BMP2K: variants seen among roughly 807,000 people sequenced by gnomAD.
BMP2K encodes the protein BMP-2-inducible protein kinase.
BMP2K carries 74 observed loss-of-function variants against 116.0 expected under a neutral mutation model. The observed-to-expected ratio is 0.64, with a 90% confidence interval of 0.53 to 0.77. The LOEUF is 0.77. Among genes scored for constraint, BMP2K ranks in the 30% least tolerant of loss-of-function variants. BMP2K has a pLI of 0.00. For synonymous variants in BMP2K, 486 were observed against 502.5 expected, an observed-to-expected ratio of 0.97 and a Z score of 0.44; for missense variants, 1,365 against 1,403.6, an observed-to-expected ratio of 0.97 and a Z score of 0.44.
intron 14 of BMP2K, among the ~76,000 whole-genome samples, chr4:78,885,345 T>G (rs552257386): frequency 1.3e-5 from 2 of 152,294 alleles, no homozygotes; most frequent in African/African-American, 4.8e-5. Flanking sequence ...GCCTTGTTTA[T>G]TCAAGAGTGT....
chr4:78,916,056 T>C lies in BMP2K; in HGVS notation c.*4023T>C, dbSNP rs908897939. 4 of 151,954 alleles carry C rather than the reference T, an allele frequency of 2.6e-5. No homozygotes were observed. Among genetic ancestry groups the C allele is most frequent in the Non-Finnish European group, 5.9e-5 (4 of 67,872 alleles). 9.4% of individuals were successfully genotyped at this position (151,954 alleles called of 1,614,324 possible). Reference sequence around the variant, plus strand: ...TAAATAAAGCAAATTTACATCTTTATTGTATTTCTACTTGTTACAAAACAT... The same window carrying C: ...TAAATAAAGCAAATTTACATCTTTACTGTATTTCTACTTGTTACAAAACAT... On this transcript the variant is annotated 3_prime_UTR_variant, in exon 16 of 16. Transcript: ENST00000502613.
intron 9 of BMP2K, 137 bp downstream of exon 9, chr4:78,861,605 T>A: frequency 2.8e-6 from 2 of 709,308 alleles, no homozygotes; most frequent in Non-Finnish European, 4.6e-6. Flanking sequence ...TGTGGTATAA[T>A]TGAGATAGCA....
At chr4:78,871,817 A>G in intron 11 of BMP2K, 33 bp from the exon 12 acceptor site, 1 of 1,489,000 alleles carries the variant, frequency 6.7e-7, no homozygotes, top group Non-Finnish European at 9.3e-7. Context: ...CAAAAAAGGC[A>G]TAACATTTAT....
chr4:78,826,857 T>C (rs888774262), intron 2 of BMP2K, among the ~76,000 whole-genome samples: 1 of 152,174 alleles, frequency 6.6e-6, no homozygotes, highest in Non-Finnish European at 1.5e-5. Flanking sequence ...AACACCAAGC[T>C]TGTTCATCAT....
At chr4:78,842,248 G>A (rs982904331) in intron 3 of BMP2K, 137 bp from the exon 4 acceptor site, 2 of 624,694 alleles carry the variant, frequency 3.2e-6, no homozygotes, top group Admixed American at 6.2e-5. Flanking sequence ...ACAGTATGAT[G>A]TAATAAGCAT....
chr4:78,805,834 G>A (rs1037365626), intron 1 of BMP2K, among the ~76,000 whole-genome samples: 3 of 152,062 alleles, frequency 2.0e-5, no homozygotes, highest in East Asian at 1.9e-4. Context: ...AGCCGGGCAC[G>A]GTGGCGGGCG....
Position 78,813,831 on chromosome 4 carries a change from T to G in BMP2K, c.179-12206T>G, listed in dbSNP as rs560681927. Among the ~76,000 whole-genome samples, 291 of 152,348 alleles carry G rather than the reference T, an allele frequency of 1.9e-3. 1 individual carries two copies. Among genetic ancestry groups the G allele is most frequent in the Non-Finnish European group, 3.7e-3 (249 of 68,030 alleles). On this transcript the variant is annotated intron_variant, in intron 1 of 15. Transcript: ENST00000502613. ...TCTCAGGACTTACCGTTGTCTTCTA[T>G]GTACTGTATATTTTACTTGTTTATT...
At position 78,865,636 on chromosome 4, in the gene BMP2K, A is replaced by G. The variant is rs1359878831; in HGVS notation, c.1147A>G (p.Thr383Ala). The change falls in exon 10 of 16, where the codon ACT (threonine) becomes GCT (alanine). Residue 383 changes from threonine (T) to alanine (A), a missense_variant. Physicochemically the swap from Thr to Ala is moderately conservative, Grantham distance 58. Transcript: ENST00000502613. ...AAAGGCCAACTCTGCTACTACTGCC[A>G]CTCCCAGTGTGCTGACCATTCAAAG... ...RPKANSATTA[T>A]PSVLTIQSSA... is the part of the protein sequence containing the mutation. The G allele has an allele frequency of 6.2e-7, 1 of 1,614,066 alleles. No homozygotes were observed. The highest frequency in any genetic ancestry group is 8.5e-7 in the Non-Finnish European group (1 of 1,179,982).
At chr4:78,785,013 TTG>T (rs1727667762) in intron 1 of BMP2K, among the ~76,000 whole-genome samples, 1 of 152,208 alleles carries the variant, frequency 6.6e-6, no homozygotes, top group African/African-American at 2.4e-5. Flanking sequence ...AATGAAAGGA[TTG>T]TGTTTGATCG....
In BMP2K at chr4:78,893,793, G is replaced by C. The variant is rs532431292; in HGVS notation, c.2062+6509G>C. Among the ~76,000 whole-genome samples the C allele has an allele frequency of 5.5e-4, 84 of 152,278 alleles. 1 individual carries two copies. Among genetic ancestry groups the C allele is most frequent in the African/African-American group, 2.0e-3 (82 of 41,564 alleles). ...TTGCCCAGGTTCGTCTTGAACTCCT[G>C]GCCTCAAGCAGCCCTCTCACCTCAA... On this transcript the variant is annotated intron_variant, in intron 15 of 15. Coordinates refer to ENST00000502613, the MANE Select transcript of BMP2K (RefSeq NM_198892.2).
intron 15 of BMP2K, among the ~76,000 whole-genome samples, chr4:78,896,265 A>G (rs1733698127): frequency 6.6e-6 from 1 of 152,208 alleles, no homozygotes; most frequent in African/African-American, 2.4e-5. Context: ...GCAGTTTTTT[A>G]TACAAATGCC....
intron 1 of BMP2K, among the ~76,000 whole-genome samples, chr4:78,813,064 A>T (rs539094607): frequency 6.6e-6 from 1 of 151,936 alleles, no homozygotes; most frequent in Admixed American, 6.6e-5. Context: ...AAAAAAAGAT[A>T]TGCAGAAACA....
intron 15 of BMP2K, among the ~76,000 whole-genome samples, chr4:78,906,405 A>G (rs994598952): frequency 3.9e-5 from 6 of 152,128 alleles, no homozygotes; most frequent in Non-Finnish European, 7.4e-5. Flanking sequence ...CCAACAGAAA[A>G]TTTCCCCAGT....
intron 1 of BMP2K, among the ~76,000 whole-genome samples, chr4:78,812,611 T>C (rs1482884523): frequency 6.6e-6 from 1 of 152,208 alleles, no homozygotes; most frequent in Non-Finnish European, 1.5e-5. Context: ...CCATTAAAGA[T>C]TCTGATTCTC....
At chr4:78,860,770 C>CTTTTTT (rs139384663) in intron 8 of BMP2K, among the ~76,000 whole-genome samples, 29 of 101,924 alleles carry the variant, frequency 2.8e-4, no homozygotes, top group Admixed American at 3.3e-4. Flanking sequence ...GGTACCTTTC[C>CTTTTTT]TTTTTTTTTT....
Position 78,815,751 on chromosome 4 carries a change from GATA to G in BMP2K, c.179-10280_179-10278del, listed in dbSNP as rs200880687. Among the ~76,000 whole-genome samples the G allele has an allele frequency of 6.3e-3, 963 of 152,130 alleles. 2 individuals are homozygous for G. Among genetic ancestry groups the G allele is most frequent in the Non-Finnish European group, 9.6e-3 (651 of 67,970 alleles). On this transcript the variant is annotated intron_variant, in intron 1 of 15. Coordinates refer to ENST00000502613, the MANE Select transcript of BMP2K (RefSeq NM_198892.2). ...GTAATTTTGAATAGGGACTGTACAA[GATA>G]ATAATTATTTTCTTAGGTAGGACAG...
chr4:78,878,769 C>T lies in BMP2K; in HGVS notation c.1829C>T (p.Thr610Ile). 1 of 1,612,122 alleles carries T rather than the reference C, an allele frequency of 6.2e-7. No individual in the cohort carries two copies. Among genetic ancestry groups the T allele is most frequent in the Non-Finnish European group, 8.5e-7 (1 of 1,179,436 alleles). ...VADKEAIANF[T>I]NQKNISNPPD... The stretch of plus-strand genomic sequence containing the variant: ...GATAAAGAGGCCATTGCAAATTTCA[C>T]AAATCAGAAGAACATCAGCAATCCA... Residue 610 changes from threonine to isoleucine, a missense_variant, in exon 14 of 16, where the codon ACA becomes ATA. Coordinates refer to ENST00000502613, the MANE Select transcript of BMP2K (RefSeq NM_198892.2).
At chr4:78,827,589 C>A (rs1307557888) in intron 2 of BMP2K, among the ~76,000 whole-genome samples, 1 of 152,114 alleles carries the variant, frequency 6.6e-6, no homozygotes, top group African/African-American at 2.4e-5. Flanking sequence ...ATTCCAGTGA[C>A]CTTCCCAATC....
chr4:78,872,859 T>C (rs1352723691), intron 13 of BMP2K, 61 bp downstream of exon 13: 4 of 1,508,134 alleles, frequency 2.7e-6, no homozygotes, highest in East Asian at 2.3e-5. Context: ...CATCGTTGAA[T>C]GGTCGGTCAT....
Sources: gnomAD v4.1 joint callset for allele counts (sites outside exome capture counted in the v4.1 genomes callset) on GRCh38, gnomAD v4.1.1 for gene constraint, MANE v1.5 for transcripts, NCBI Gene and HGNC (gene_info 2026-07-23, HGNC 2026-07-21) for gene names.